Variants in PLEKHH2 observed in about 807,000 individuals in gnomAD.
PLEKHH2 encodes the protein pleckstrin homology, MyTH4 and FERM domain containing H2.
PLEKHH2 carries 129 observed loss-of-function variants against 187.9 expected under a neutral mutation model. That is an observed-to-expected ratio of 0.69 (90% CI 0.59 to 0.79). The LOEUF (loss-of-function observed/expected upper bound fraction) is 0.79. Among genes scored for constraint, PLEKHH2 ranks in the 30% least tolerant of loss-of-function variants. The probability of loss-of-function intolerance (pLI) is 0.00; values close to 1 mark genes in which losing one functional copy is unlikely to be tolerated. For synonymous variants in PLEKHH2, 686 were observed against 605.6 expected, an observed-to-expected ratio of 1.13 and a Z score of -1.95; for missense variants, 2,076 against 1,751.2, an observed-to-expected ratio of 1.19 and a Z score of -3.31.
chr2:43,700,639 C>A (rs765774502), intron 8 of PLEKHH2, 31 bp downstream of exon 8: 4 of 1,561,418 alleles, frequency 2.6e-6, no homozygotes, highest in Non-Finnish European at 3.4e-6. Flanking sequence ...AACACATACG[C>A]AGTAGTTTTT....
At chr2:43,682,939 TACAC>T (rs148292692) in intron 3 of PLEKHH2, among the ~76,000 whole-genome samples, 1 of 149,744 alleles carries the variant, frequency 6.7e-6, no homozygotes, top group African/African-American at 2.5e-5. Flanking sequence ...GTTCCATATA[TACAC>T]ACACACACAC....
Position 43,700,198 on chromosome 2 carries a change from G to C in PLEKHH2, c.1240G>C (p.Ala414Pro). Reference sequence around the variant, plus strand: ...CACCCCAAGCCCTATTTTGACCCCAGCTTTAATGCCAAAGCATCCTAACTC... The same window carrying C: ...CACCCCAAGCCCTATTTTGACCCCACCTTTAATGCCAAAGCATCCTAACTC... ...ANTPSPILTPALMPKHPNSLS... is the reference protein window; with the variant it reads ...ANTPSPILTPPLMPKHPNSLS... Residue 414 changes from alanine (A) to proline (P), a missense_variant, in exon 8 of 30, where the codon GCT becomes CCT. Transcript: ENST00000282406. 1 of 1,614,054 alleles carries C rather than the reference G, an allele frequency of 6.2e-7. No homozygotes were observed. The highest frequency in any genetic ancestry group is 1.3e-5 in the African/African-American group (1 of 74,986).
At chr2:43,715,091 A>T (rs1226204140) in intron 15 of PLEKHH2, among the ~76,000 whole-genome samples, 1 of 151,944 alleles carries the variant, frequency 6.6e-6, no homozygotes, top group Non-Finnish European at 1.5e-5. Context: ...CAGCCTGACC[A>T]ACATGGTGAA....
Position 43,738,383 on chromosome 2 carries a change from A to G in PLEKHH2, c.2986A>G (p.Ile996Val). Residue 996 changes from isoleucine (I) to valine (V), a missense_variant, in exon 20 of 30, where the codon ATT (isoleucine) becomes GTT (valine). Coordinates refer to ENST00000282406, the MANE Select transcript of PLEKHH2 (RefSeq NM_172069.4). ...AAATGCTGCAGTTGACTCTCCTGCA[A>G]TTGATTACCACATATCTTTAGCCCA... ...FINAAVDSPA[I>V]DYHISLAQSA... 6 of 1,613,012 alleles carry G rather than the reference A, an allele frequency of 3.7e-6. No homozygotes were observed. Among genetic ancestry groups the G allele is most frequent in the South Asian group, 1.1e-5 (1 of 90,862 alleles).
At chr2:43,676,345 G>T in intron 2 of PLEKHH2, 1 of 1,551,528 alleles carries the variant, frequency 6.4e-7, no homozygotes, top group Non-Finnish European at 8.7e-7. Context: ...AGGACAGTGT[G>T]CCAGGGTCAA....
Position 43,700,602 on chromosome 2 carries a change from T to C in PLEKHH2, c.1644T>C (p.Pro548=). The C allele has an allele frequency of 1.2e-6, 2 of 1,604,954 alleles. No homozygotes were observed. The highest frequency in any genetic ancestry group is 2.2e-5 in the East Asian group (1 of 44,842). The change falls in exon 8 of 30, where the codon CCT becomes CCC. Residue 548 remains proline, a synonymous_variant. Transcript: ENST00000282406. The stretch of plus-strand genomic sequence containing the variant: ...CAACTCCTCCCCTGCACCGTTTTCC[T>C]TCTTGGGTAATTATATCACCGCATG... ...KPPTPPLHRF[P]SWESRIYAVA... is the part of the protein sequence containing the mutation.
At chr2:43,729,958 C>A (rs767418193) in intron 18 of PLEKHH2, among the ~76,000 whole-genome samples, 3 of 152,034 alleles carry the variant, frequency 2.0e-5, no homozygotes, top group Non-Finnish European at 4.4e-5. Flanking sequence ...AGGTCACCTC[C>A]CTCTGCCTTT....
chr2:43,692,687 T>C, intron 4 of PLEKHH2, 24 bp downstream of exon 4: 1 of 1,603,834 alleles, frequency 6.2e-7, no homozygotes, highest in Non-Finnish European at 8.5e-7. Context: ...TGATAAAGAG[T>C]TCTAAGTGTG....
chr2:43,759,095 C>A, intron 27 of PLEKHH2, 66 bp downstream of exon 27: 2 of 1,517,748 alleles, frequency 1.3e-6, no homozygotes, highest in South Asian at 1.3e-5. Context: ...CAGATTTACC[C>A]CAGACTTAGT....
At chr2:43,714,258 T>C (rs1670106640) in intron 15 of PLEKHH2, among the ~76,000 whole-genome samples, 1 of 152,256 alleles carries the variant, frequency 6.6e-6, no homozygotes, top group African/African-American at 2.4e-5. Context: ...TGTCAGTTTC[T>C]GCTCCTATAA....
At chr2:43,673,823 A>C (rs549893569) in intron 2 of PLEKHH2, among the ~76,000 whole-genome samples, 14 of 152,308 alleles carry the variant, frequency 9.2e-5, no homozygotes, top group Non-Finnish European at 1.8e-4. Context: ...CTTGCCTTTA[A>C]GTTCAGTATT....
intron 2 of PLEKHH2, among the ~76,000 whole-genome samples, chr2:43,668,804 C>T (rs747971914): frequency 6.6e-5 from 10 of 152,118 alleles, no homozygotes; most frequent in Non-Finnish European, 1.0e-4. Context: ...GAGACCCTAT[C>T]CCCAAAACAA....
At chr2:43,698,537 C>G (rs576997254) in intron 7 of PLEKHH2, among the ~76,000 whole-genome samples, 20 of 152,304 alleles carry the variant, frequency 1.3e-4, no homozygotes, top group African/African-American at 4.3e-4. Context: ...GTGTGAGCCA[C>G]TGCACCCGGC....
At chr2:43,695,981 A>T (rs1669071848) in intron 6 of PLEKHH2, among the ~76,000 whole-genome samples, 1 of 152,168 alleles carries the variant, frequency 6.6e-6, no homozygotes, top group African/African-American at 2.4e-5. Context: ...GGTTACTTGC[A>T]TGCAAATGTC....
chr2:43,706,282 G>C (rs1172915743), intron 9 of PLEKHH2, 40 bp from the exon 10 acceptor site: 2 of 1,400,712 alleles, frequency 1.4e-6, no homozygotes, highest in Non-Finnish European at 2.0e-6. Flanking sequence ...GTGCTAATTA[G>C]AAGTTTTTTA....
chr2:43,713,037 A>G (rs1670042789), intron 15 of PLEKHH2, among the ~76,000 whole-genome samples: 2 of 152,128 alleles, frequency 1.3e-5, no homozygotes, highest in Non-Finnish European at 2.9e-5. Context: ...GCAGTTTGGC[A>G]ATATCTTGGC....
At chr2:43,764,139 C>T (rs1266416464) in intron 28 of PLEKHH2, 89 bp from the exon 29 acceptor site, 6 of 745,462 alleles carry the variant, frequency 8.0e-6, no homozygotes, top group Non-Finnish European at 9.8e-6. Flanking sequence ...TTAATATCTG[C>T]CTTTTAATGG....
intron 15 of PLEKHH2, among the ~76,000 whole-genome samples, chr2:43,719,334 A>G (rs1283438316): frequency 6.6e-6 from 1 of 152,198 alleles, no homozygotes; most frequent in Non-Finnish European, 1.5e-5. Context: ...TTTTAACATT[A>G]TTTTATTACT....
chr2:43,712,860 C>G (rs1670035008), intron 15 of PLEKHH2, among the ~76,000 whole-genome samples: 1 of 151,900 alleles, frequency 6.6e-6, no homozygotes, highest in African/African-American at 2.4e-5. Flanking sequence ...TTTAAAAGCA[C>G]AGATTGAAAT....
Sources: allele counts gnomAD v4.1 joint callset (sites outside exome capture counted in the v4.1 genomes callset), GRCh38; gene constraint gnomAD v4.1.1; transcripts MANE v1.5; gene names NCBI Gene and HGNC (gene_info 2026-07-23, HGNC 2026-07-21).